The following PLCB1 variants were observed in gnomAD, a reference collection of about 807,000 sequenced individuals.
PLCB1 encodes 1-phosphatidylinositol 4,5-bisphosphate phosphodiesterase beta-1.
PLCB1 carries 46 observed loss-of-function variants against 161.8 expected under a neutral mutation model. The observed-to-expected ratio is 0.28, with a 90% CI of 0.22 to 0.36. The LOEUF (loss-of-function observed/expected upper bound fraction) is 0.36, where lower values mean the gene tolerates loss of function less well. PLCB1 is among the 10% of genes least tolerant of loss of function. The probability of loss-of-function intolerance (pLI) is 1.00; values close to 1 mark genes in which losing one functional copy is unlikely to be tolerated. For missense variants in PLCB1, 1,016 were observed against 1,472.5 expected (o/e 0.69, Z 5.07); for synonymous variants, 517 against 503.7 (o/e 1.03, Z -0.35).
chr20:8,225,278 T>G lies in PLCB1; in HGVS notation c.177+74907T>G, dbSNP rs189906312. 1.8e-3 allele frequency among the ~76,000 whole-genome samples: 271 copies of G among 152,334 alleles called. 3 individuals are homozygous for G. The highest frequency in any genetic ancestry group is 3.7e-3 in the East Asian group (19 of 5,182). ...AAGGGTTTTTTTGTTTTGTTTTGTT[T>G]CTTCTGTTTTGTTTTTTTCTGCAGT... is the stretch of plus-strand genomic sequence containing the variant. On this transcript the variant is annotated intron_variant, in intron 2 of 31. Coordinates refer to ENST00000338037, the MANE Select transcript of PLCB1 (RefSeq NM_015192.4).
chr20:8,603,458 G>T (rs897783843), intron 3 of PLCB1, among the ~76,000 whole-genome samples: 14 of 152,160 alleles, frequency 9.2e-5, no homozygotes, highest in African/African-American at 3.4e-4. Flanking sequence ...TCACCAGCTG[G>T]CTCCAAATGG....
Position 8,480,266 on chromosome 20 carries a change from G to A in PLCB1, c.246+108816G>A, listed in dbSNP as rs144777648. ...CCAAGCTGAACAGAGAATAAAATCCGGATTATGATTAAGCTCATATCCACC... is the reference window on the plus strand; with the variant it reads ...CCAAGCTGAACAGAGAATAAAATCCAGATTATGATTAAGCTCATATCCACC... On this transcript the variant is annotated intron_variant, in intron 3 of 31. Coordinates refer to ENST00000338037, the MANE Select transcript of PLCB1 (RefSeq NM_015192.4). Among the ~76,000 whole-genome samples the A allele has an allele frequency of 7.8e-3, 1,185 of 151,748 alleles. 21 individuals are homozygous for A. Among genetic ancestry groups the A allele is most frequent in the African/African-American group, 0.027 (1,106 of 41,346 alleles).
intron 3 of PLCB1, among the ~76,000 whole-genome samples, chr20:8,529,138 G>A (rs139085771): frequency 1.3e-5 from 2 of 152,052 alleles, no homozygotes; most frequent in East Asian, 1.9e-4. Flanking sequence ...AAATATTGAT[G>A]AATCATTTTG....
At chr20:8,725,301 G>A (rs1347273833) in intron 16 of PLCB1, among the ~76,000 whole-genome samples, 2 of 152,006 alleles carry the variant, frequency 1.3e-5, no homozygotes, top group African/African-American at 2.4e-5. Flanking sequence ...ATCCATACTT[G>A]TGCAAAGAAA....
In PLCB1 at chr20:8,760,476, TC is replaced by T. The variant is rs747461333; in HGVS notation, c.2710+22del. On this transcript the variant is annotated intron_variant, in intron 25 of 31. Coordinates refer to ENST00000338037, the MANE Select transcript of PLCB1 (RefSeq NM_015192.4). ...GTCTTAACAGGTAAATGCCACCCTT[TC>T]CCCCCATGGAATTAAGCAGCTCAGT... 20 of 1,596,588 alleles carry T rather than the reference TC, an allele frequency of 1.3e-5. No homozygotes were observed. In the Admixed American group the frequency reaches 1.7e-4, roughly 13 times the overall value.
chr20:8,838,629 A>C (rs1986380830), intron 31 of PLCB1, among the ~76,000 whole-genome samples: 1 of 152,222 alleles, frequency 6.6e-6, no homozygotes, highest in African/African-American at 2.4e-5. Context: ...AACTGTTTCA[A>C]CCTAGGAAAT....
intron 3 of PLCB1, among the ~76,000 whole-genome samples, chr20:8,558,346 C>T (rs1986030225): frequency 6.6e-6 from 1 of 151,256 alleles, no homozygotes; most frequent in Admixed American, 6.6e-5. Context: ...ATAAATGAAT[C>T]AACTGTTATA....
At chr20:8,228,758 GTTTTTAAT>G (rs1208092649) in intron 2 of PLCB1, among the ~76,000 whole-genome samples, 1 of 151,874 alleles carries the variant, frequency 6.6e-6, no homozygotes, top group African/African-American at 2.4e-5. Context: ...TTGTTTTTCA[GTTTTTAAT>G]TTTTTAATTG....
chr20:8,563,203 G>C (rs1986200158), intron 3 of PLCB1, among the ~76,000 whole-genome samples: 1 of 152,028 alleles, frequency 6.6e-6, no homozygotes, highest in African/African-American at 2.4e-5. Flanking sequence ...AAAAAAGTTT[G>C]CTTAAGAATT....
chr20:8,399,100 A>G (rs900556916), intron 3 of PLCB1, among the ~76,000 whole-genome samples: 4 of 145,156 alleles, frequency 2.8e-5, no homozygotes, highest in Non-Finnish European at 4.5e-5. Context: ...TTTTTCTAGT[A>G]TGACTTCGTG....
chr20:8,648,324 A>G (rs2123291987), intron 6 of PLCB1, among the ~76,000 whole-genome samples: 1 of 152,246 alleles, frequency 6.6e-6, no homozygotes, highest in Admixed American at 6.5e-5. Context: ...AGGGTTTGCA[A>G]CCTCAGATGC....
At chr20:8,503,887 C>T (rs1426944762) in intron 3 of PLCB1, among the ~76,000 whole-genome samples, 1 of 152,050 alleles carries the variant, frequency 6.6e-6, no homozygotes, top group Non-Finnish European at 1.5e-5. Flanking sequence ...TTCATTCACT[C>T]GCCTAATATC....
intron 2 of PLCB1, among the ~76,000 whole-genome samples, chr20:8,214,416 C>A (rs948752345): frequency 2.0e-5 from 3 of 152,100 alleles, no homozygotes; most frequent in African/African-American, 7.2e-5. Flanking sequence ...CTCCTGCTCC[C>A]ACCATGCGAG....
intron 2 of PLCB1, among the ~76,000 whole-genome samples, chr20:8,254,648 A>G (rs1018405456): frequency 9.9e-5 from 15 of 152,158 alleles, no homozygotes; most frequent in African/African-American, 3.6e-4. Context: ...TCGTTTGACT[A>G]TAGTGCAACC....
At chr20:8,682,855 A>G (rs959379420) in intron 9 of PLCB1, among the ~76,000 whole-genome samples, 1 of 152,174 alleles carries the variant, frequency 6.6e-6, no homozygotes, top group East Asian at 1.9e-4. Flanking sequence ...AAGTATGCGA[A>G]GTCTTTGAAT....
chr20:8,409,553 C>A (rs1978947690), intron 3 of PLCB1, among the ~76,000 whole-genome samples: 1 of 151,910 alleles, frequency 6.6e-6, no homozygotes, highest in East Asian at 1.9e-4. Flanking sequence ...ACCTCTGCCT[C>A]CCAGGTTCAA....
chr20:8,563,394 C>T (rs1432349901), intron 3 of PLCB1, among the ~76,000 whole-genome samples: 12 of 151,988 alleles, frequency 7.9e-5, no homozygotes, highest in Non-Finnish European at 1.6e-4. Context: ...ACCCCATCAT[C>T]TCTCTCCTCC....
chr20:8,705,038 A>G (rs933849204), intron 11 of PLCB1, among the ~76,000 whole-genome samples: 7 of 134,112 alleles, frequency 5.2e-5, no homozygotes, highest in African/African-American at 8.6e-5. Context: ...GCCCATCCAC[A>G]TTAGGGAGGG....
intron 27 of PLCB1, among the ~76,000 whole-genome samples, chr20:8,776,221 T>C (rs1982936108): frequency 6.6e-6 from 1 of 152,148 alleles, no homozygotes; most frequent in Non-Finnish European, 1.5e-5. Context: ...ACAATAACCA[T>C]TAGAGTTTGG....
Sources: gnomAD v4.1 joint callset for allele counts (sites outside exome capture counted in the v4.1 genomes callset) on GRCh38, gnomAD v4.1.1 for gene constraint, MANE v1.5 for transcripts, NCBI Gene and HGNC (gene_info 2026-07-23, HGNC 2026-07-21) for gene names.